Variants in CELF2 observed in about 807,000 individuals in gnomAD.
CELF2 encodes CUG triplet repeat RNA-binding protein 2.
In CELF2, 8 loss-of-function variants were observed where a neutral mutation model predicts 62.6. That is an observed-to-expected ratio of 0.13 (90% confidence interval 0.07 to 0.23). The LOEUF (loss-of-function observed/expected upper bound fraction) is 0.23, where lower values mean the gene tolerates loss of function less well. Ranked by LOEUF, CELF2 falls within the 10% of genes least tolerant of loss-of-function variation. The pLI, the probability that CELF2 is intolerant of heterozygous loss-of-function variation, is 1.00. For missense variants in CELF2, 333 were observed against 671.0 expected, an observed-to-expected ratio of 0.50 and a Z score of 5.56; for synonymous variants, 258 against 250.0, an observed-to-expected ratio of 1.03 and a Z score of -0.30.
chr10:10,917,538 A>G (rs79397629), intron 1 of CELF2, among the ~76,000 whole-genome samples: 1 of 151,942 alleles, frequency 6.6e-6, no homozygotes, highest in Non-Finnish European at 1.5e-5. Flanking sequence ...ACAGGGTCTC[A>G]CTGTGTTGCC....
At chr10:11,005,239 GA>G (rs1315463575), upstream of CELF2, 6 of 1,455,542 alleles carry the variant, frequency 4.1e-6, no homozygotes, top group African/African-American at 8.7e-5. This position sits in a 1 kb window ranked among gnomAD's most constrained non-coding sequence, Gnocchi z 4.3. Context: ...AAGAGAGTGG[GA>G]AGACAGAGAG....
At chr10:10,671,204 CA>C in the CELF2 span, among the ~76,000 whole-genome samples, 34,288 of 115,652 alleles carry the variant, frequency 0.3, 4,223 homozygotes, top group South Asian at 0.44. Flanking sequence ...TTATCTGTCT[CA>C]AAAAAAAAAA....
At chr10:10,509,060 T>A in the CELF2 span, among the ~76,000 whole-genome samples, 4 of 152,200 alleles carry the variant, frequency 2.6e-5, no homozygotes, top group Admixed American at 1.3e-4. Context: ...AGCTAAAACA[T>A]ACTTTTATTG....
chr10:10,855,308 A>C (rs1384375325), intron 1 of CELF2, among the ~76,000 whole-genome samples: 1 of 152,130 alleles, frequency 6.6e-6, no homozygotes, highest in African/African-American at 2.4e-5. Context: ...TCAGGTGTAA[A>C]AGAGGATGTG....
chr10:10,469,681 C>T, the CELF2 span, among the ~76,000 whole-genome samples: 26 of 151,772 alleles, frequency 1.7e-4, no homozygotes, highest in Non-Finnish European at 3.1e-4. Context: ...AGTATTCCTT[C>T]CTTCTCTGTT....
In CELF2 at chr10:11,318,997, A is replaced by G; in HGVS notation, c.1097-2192A>G. 1 of 471,114 alleles carries G rather than the reference A, an allele frequency of 2.1e-6. No homozygotes were observed. Among genetic ancestry groups the G allele is most frequent in the South Asian group, 1.5e-5 (1 of 64,562 alleles). 29.2% of individuals were successfully genotyped at this position (471,114 alleles called of 1,614,324 possible). On this transcript the variant is annotated intron_variant, in intron 10 of 12. Transcript: ENST00000633077. This position sits in a 1 kb window ranked among gnomAD's most constrained non-coding sequence, Gnocchi z 5.4. ...AACTTGGAGGCGTCCACTGGAGACG[A>G]GCTGCTGTCTTCAGCCCGTCCTCGT...
At chr10:11,131,407 C>G (rs2059606979) in intron 1 of CELF2, among the ~76,000 whole-genome samples, 2 of 152,202 alleles carry the variant, frequency 1.3e-5, no homozygotes, top group South Asian at 4.1e-4. Context: ...ATCTGGGATT[C>G]ATCATCCTAG....
At chr10:10,645,317 C>G in the CELF2 span, among the ~76,000 whole-genome samples, 1 of 152,126 alleles carries the variant, frequency 6.6e-6, no homozygotes, top group Non-Finnish European at 1.5e-5. Context: ...AGAAGACAGC[C>G]ACTGCTCATG....
chr10:10,599,210 T>A, the CELF2 span, among the ~76,000 whole-genome samples: 1 of 152,208 alleles, frequency 6.6e-6, no homozygotes, highest in Admixed American at 6.5e-5. Context: ...TTGAGAGCAA[T>A]GACTTTCAAT....
At chr10:11,023,031 T>A (rs2058590246) in intron 1 of CELF2, among the ~76,000 whole-genome samples, 2 of 152,246 alleles carry the variant, frequency 1.3e-5, no homozygotes, top group African/African-American at 4.8e-5. Flanking sequence ...TTACCCAAAC[T>A]TAATAGGTCA....
intron 1 of CELF2, among the ~76,000 whole-genome samples, chr10:10,876,291 A>C (rs989239466): frequency 2.6e-5 from 4 of 152,278 alleles, no homozygotes; most frequent in South Asian, 2.1e-4. Context: ...TATGCTTAGG[A>C]GGAAGAGAGC....
Position 11,211,789 on chromosome 10 carries a change from TGTGAGAGAGA to T in CELF2, c.272-5634_272-5625del. 1.1e-5 allele frequency among the ~76,000 whole-genome samples: 1 copy of T among 88,254 alleles called. No individual in the cohort carries two copies. The highest frequency in any genetic ancestry group is 4.7e-5 in the African/African-American group (1 of 21,428). 57.9% of individuals were successfully genotyped at this position (88,254 alleles called of 152,430 possible). On this transcript the variant is annotated intron_variant, in intron 2 of 12. Transcript: ENST00000633077. This position sits in a 1 kb window ranked among gnomAD's most constrained non-coding sequence, Gnocchi z 4.8. ...GTGAGTGAGAGTGTGTGTGTATGTG[TGTGAGAGAGA>T]GAGAGAGAGAGAGAGTGTGTGTGTG... is the stretch of plus-strand genomic sequence containing the variant.
chr10:10,473,577 A>C, the CELF2 span, among the ~76,000 whole-genome samples: 1 of 152,076 alleles, frequency 6.6e-6, no homozygotes, highest in South Asian at 2.1e-4. Flanking sequence ...AGAATGTAAA[A>C]TTAAATCCTG....
At chr10:10,885,747 G>C (rs74115443) in intron 1 of CELF2, among the ~76,000 whole-genome samples, 1,615 of 152,236 alleles carry the variant, frequency 0.011, 28 homozygotes, top group African/African-American at 0.037. Flanking sequence ...GCCTTTCCCA[G>C]CTTCCACAGG....
chr10:11,025,239 G>GTGTGTGTGTATATATA (rs61580670), intron 1 of CELF2, among the ~76,000 whole-genome samples: 6 of 140,998 alleles, frequency 4.3e-5, no homozygotes, highest in Non-Finnish European at 9.2e-5. Flanking sequence ...GTGTGTGTGT[G>GTGTGTGTGTATATATA]TATATGTATG....
intron 5 of CELF2, among the ~76,000 whole-genome samples, chr10:11,263,988 T>C (rs1329911696): frequency 3.3e-5 from 5 of 152,200 alleles, no homozygotes; most frequent in East Asian, 1.9e-4. Flanking sequence ...TCTCAAGTAA[T>C]TGAACACAGC....
chr10:11,015,086 G>T (rs2057059931), upstream of CELF2, among the ~76,000 whole-genome samples: 1 of 152,152 alleles, frequency 6.6e-6, no homozygotes, highest in South Asian at 2.1e-4. The surrounding 1 kb of genome is among the most constrained non-coding windows in gnomAD (Gnocchi z 4.8). Context: ...TTGAACCCGA[G>T]CGTTCAACAG....
the CELF2 span, among the ~76,000 whole-genome samples, chr10:10,468,364 G>A: frequency 3.9e-5 from 6 of 151,978 alleles, no homozygotes; most frequent in Non-Finnish European, 8.8e-5. Context: ...TCACCTCCTG[G>A]TAGCCGTTGC....
intron 2 of CELF2, among the ~76,000 whole-genome samples, chr10:11,202,405 G>A (rs914310025): frequency 6.6e-6 from 1 of 152,194 alleles, no homozygotes; most frequent in Non-Finnish European, 1.5e-5. Flanking sequence ...GTCCCCGATG[G>A]TTTCGGAAGC....
Sources: gnomAD v4.1 joint callset for allele counts (sites outside exome capture counted in the v4.1 genomes callset) on GRCh38, gnomAD v4.1.1 for gene constraint, Gnocchi (gnomAD v3.1) non-coding constraint, MANE v1.5 for transcripts, NCBI Gene and HGNC (gene_info 2026-07-23, HGNC 2026-07-21) for gene names.